NT5C2: variants seen among roughly 807,000 people sequenced by gnomAD.
NT5C2 encodes cytosolic purine 5'-nucleotidase.
NT5C2 carries 58 observed loss-of-function variants against 76.1 expected under a neutral mutation model. The observed-to-expected ratio is 0.76, with a 90% CI of 0.62 to 0.95. The LOEUF (loss-of-function observed/expected upper bound fraction) is 0.95. Among genes scored for constraint, NT5C2 ranks in the 40% least tolerant of loss-of-function variants. The probability of loss-of-function intolerance (pLI) is 0.00; values close to 1 mark genes in which losing one functional copy is unlikely to be tolerated. For missense variants in NT5C2, 478 were observed against 690.3 expected, an observed-to-expected ratio of 0.69 and a Z score of 3.45; for synonymous variants, 229 against 237.4, an observed-to-expected ratio of 0.96 and a Z score of 0.32.
At chr10:103,090,135 A>G (rs2066345798) in intron 18 of NT5C2, 1 of 443,146 alleles carries the variant, frequency 2.3e-6, no homozygotes, top group South Asian at 6.2e-5. Flanking sequence ...TGGAAATTGG[A>G]AAAGATGGAG....
chr10:103,166,375 A>G (rs542530580), intron 3 of NT5C2, among the ~76,000 whole-genome samples: 2 of 152,212 alleles, frequency 1.3e-5, no homozygotes, highest in South Asian at 2.1e-4. Flanking sequence ...ACAGAAATGG[A>G]ACCATACAGA....
At chr10:103,107,988 C>G (rs1340706226) in intron 4 of NT5C2, among the ~76,000 whole-genome samples, 3 of 152,112 alleles carry the variant, frequency 2.0e-5, no homozygotes, top group Non-Finnish European at 2.9e-5. Context: ...AACCCCGTCT[C>G]TACTAAAAAC....
At position 103,101,251 on chromosome 10, in the gene NT5C2, T is replaced by C. The variant is rs115843728; in HGVS notation, c.465A>G (p.Thr155=). 3.3e-5 allele frequency: 53 copies of C among 1,598,658 alleles called. No individual in the cohort carries two copies. The highest frequency in any genetic ancestry group is 4.4e-5 in the Non-Finnish European group (51 of 1,166,362). The change falls in exon 7 of 19, where the codon ACA becomes ACG. Residue 155 remains threonine (T), a synonymous_variant. Coordinates refer to ENST00000404739, the MANE Select transcript of NT5C2 (RefSeq NM_001351169.2). ...DDTERFYILN[T]LFNLPETYLL... ...TGAATCTACCTGGTAGGTTGAATAG[T>C]GTGTTCAGAATGTAAAATCTTTCAG...
chr10:103,172,620 G>C (rs1325536196), intron 3 of NT5C2, among the ~76,000 whole-genome samples: 1 of 152,052 alleles, frequency 6.6e-6, no homozygotes, highest in Non-Finnish European at 1.5e-5. Flanking sequence ...TGGATCACTT[G>C]AGGCCAGGAG....
chr10:103,091,046 T>C, intron 16 of NT5C2, 50 bp from the exon 17 acceptor site: 1 of 1,530,056 alleles, frequency 6.5e-7, no homozygotes, highest in Non-Finnish European at 9.0e-7. Context: ...GAGCTTTTTT[T>C]TATTCTTTAA....
chr10:103,173,217 T>C (rs1485427323), intron 3 of NT5C2, among the ~76,000 whole-genome samples: 1 of 152,138 alleles, frequency 6.6e-6, no homozygotes, highest in African/African-American at 2.4e-5. Context: ...GAAACTTTGC[T>C]AATACCCAGA....
chr10:103,166,646 T>C (rs1485583192), intron 3 of NT5C2, among the ~76,000 whole-genome samples: 4 of 152,096 alleles, frequency 2.6e-5, no homozygotes, highest in Non-Finnish European at 2.9e-5. Context: ...TTTTGAATTT[T>C]TTTCTTTCTT....
rs71019656 is a variant in NT5C2 at position 103,096,845 on chromosome 10, CAAAAAAAAAAA to C, written c.771+435_771+445del. Among the ~76,000 whole-genome samples the C allele has an allele frequency of 5.1e-4, 16 of 31,388 alleles. 1 individual carries two copies. In the South Asian group the frequency reaches 7.4e-3, roughly 15 times the overall value. The allele number at this position is 31,388 out of a possible 152,430, so 20.6% of individuals were successfully genotyped here. ...TGGGCGACAGAGTGAGACTCTGTCT[CAAAAAAAAAAA>C]AAAAAAAAAAAAAAAGATATATAAA... On this transcript the variant is annotated intron_variant, in intron 11 of 18. Coordinates refer to ENST00000404739, the MANE Select transcript of NT5C2 (RefSeq NM_001351169.2).
At chr10:103,139,509 A>C in intron 3 of NT5C2, 30 bp from the exon 4 acceptor site, 496 of 1,333,384 alleles carry the variant, frequency 3.7e-4, no homozygotes, top group Middle Eastern at 5.6e-4. Context: ...ATAATATCTC[A>C]ACACTGGAAA....
rs547428849 is a variant in NT5C2, at chr10:103,192,794, G to A, written c.-169+442C>T. Among the ~76,000 whole-genome samples the A allele has an allele frequency of 4.6e-5, 7 of 152,332 alleles. No homozygotes were observed. In the South Asian group the frequency reaches 1.4e-3, roughly 32 times the overall value. On this transcript the variant is annotated intron_variant, in intron 1 of 18. Coordinates refer to ENST00000404739, the MANE Select transcript of NT5C2 (RefSeq NM_001351169.2). ...AAGCGAAAAGACGGCCTCAGGGGTG[G>A]CCGGGAACAGCCTGGAATCAGCTGG...
At chr10:103,129,075 G>T (rs1305763744) in intron 4 of NT5C2, among the ~76,000 whole-genome samples, 38 of 127,360 alleles carry the variant, frequency 3.0e-4, no homozygotes, top group Non-Finnish European at 5.0e-4. Context: ...GGAGGGAGGT[G>T]GGGGGGTCAG....
intron 10 of NT5C2, among the ~76,000 whole-genome samples, chr10:103,097,589 A>G (rs192363892): frequency 1.3e-5 from 2 of 152,374 alleles, no homozygotes; most frequent in African/African-American, 4.8e-5. Context: ...ATAGATTTAC[A>G]TGTAAAATTA....
chr10:103,134,430 T>G (rs2078802600), intron 4 of NT5C2, among the ~76,000 whole-genome samples: 1 of 152,254 alleles, frequency 6.6e-6, no homozygotes, highest in African/African-American at 2.4e-5. Context: ...GCCTCAAGCC[T>G]TGGCACCTTC....
rs1013002532 is a variant in NT5C2, at chr10:103,126,004, G to A, written c.175+13402C>T. On this transcript the variant is annotated intron_variant, in intron 4 of 18. Coordinates refer to ENST00000404739, the MANE Select transcript of NT5C2 (RefSeq NM_001351169.2). ...CTTTTTAAGCTTGTTTTGTCCTGGG[G>A]TTAGCCTGACTCATCTGTGTAGGTC... 2.0e-5 allele frequency among the ~76,000 whole-genome samples: 3 copies of A among 152,128 alleles called. 1 individual carries two copies. In the South Asian group the frequency reaches 6.2e-4, roughly 32 times the overall value.
chr10:103,175,652 G>A lies in NT5C2; in HGVS notation c.-24-670C>T, dbSNP rs1365077930. Reference sequence around the variant, plus strand: ...GGCCAACGGACAAGACGATGGCCACGTGAAAAGCAATGAAGACTTATCTCC... The same window carrying A: ...GGCCAACGGACAAGACGATGGCCACATGAAAAGCAATGAAGACTTATCTCC... On this transcript the variant is annotated intron_variant, in intron 2 of 18. Transcript: ENST00000404739. The A allele has an allele frequency of 1.7e-5, 4 of 229,008 alleles. No individual in the cohort carries two copies. The South Asian group carries it at 2.4e-4, about 14-fold the overall frequency. The allele number at this position is 229,008 out of a possible 1,614,324, so 14.2% of individuals were successfully genotyped here. A position where few individuals can be genotyped will look rare whatever the true frequency, so the allele number is the denominator to read the frequency against.
intron 4 of NT5C2, among the ~76,000 whole-genome samples, chr10:103,118,753 GTTTTCTAA>G (rs760785737): frequency 4.6e-5 from 7 of 151,698 alleles, no homozygotes; most frequent in Non-Finnish European, 1.0e-4. Context: ...TTTTATGAAT[GTTTTCTAA>G]TTTATTTTTA....
intron 3 of NT5C2, among the ~76,000 whole-genome samples, chr10:103,171,963 A>G (rs745738171): frequency 3.3e-5 from 5 of 152,044 alleles, no homozygotes; most frequent in Non-Finnish European, 5.9e-5. Flanking sequence ...TAATCCCAGC[A>G]CTATGGGAGG....
At chr10:103,091,712 A>G in intron 15 of NT5C2, 97 bp from the exon 16 acceptor site, 1 of 971,532 alleles carries the variant, frequency 1.0e-6, no homozygotes, top group Middle Eastern at 2.1e-4. Context: ...TGTGACTGGA[A>G]AGTAGAACCT....
At chr10:103,188,281 C>G (rs936817809) in intron 1 of NT5C2, among the ~76,000 whole-genome samples, 3 of 152,068 alleles carry the variant, frequency 2.0e-5, no homozygotes, top group Admixed American at 6.6e-5. Flanking sequence ...TCACTTGAAC[C>G]CAGGAGGTGG....
Sources: allele counts gnomAD v4.1 joint callset (sites outside exome capture counted in the v4.1 genomes callset), GRCh38; gene constraint gnomAD v4.1.1; transcripts MANE v1.5; gene names NCBI Gene and HGNC (gene_info 2026-07-23, HGNC 2026-07-21).